NEMP2: variants seen among roughly 807,000 people sequenced by gnomAD.
The protein encoded by NEMP2 is nuclear envelope integral membrane protein 2.
NEMP2 carries 53 observed loss-of-function variants against 54.2 expected under a neutral mutation model. The ratio of observed to expected loss-of-function variants is 0.98; its 90% CI spans 0.78 to 1.23. The LOEUF is 1.23. Among genes scored for constraint, NEMP2 ranks in the 50% most tolerant of loss-of-function variants. The pLI, the probability that NEMP2 is intolerant of heterozygous loss-of-function variation, is 0.00. For synonymous variants in NEMP2, 197 were observed against 190.3 expected, an observed-to-expected ratio of 1.04 and a Z score of -0.29; for missense variants, 455 against 511.3, an observed-to-expected ratio of 0.89 and a Z score of 1.06.
the NEMP2 span, chr2:190,489,917 A>G: frequency 2.0e-5 from 29 of 1,445,908 alleles, 1 homozygote; most frequent in South Asian, 2.7e-4. This position sits in a 1 kb window ranked among gnomAD's most constrained non-coding sequence, Gnocchi z 6.6. Context: ...GGCCATGGGA[A>G]GTCAACAAAT....
intron 4 of NEMP2, among the ~76,000 whole-genome samples, chr2:190,517,834 T>C (rs900578312): frequency 5.3e-5 from 8 of 152,368 alleles, no homozygotes; most frequent in Non-Finnish European, 1.2e-4. Context: ...GAAGTATTTT[T>C]CATATTCAGG....
At chr2:190,494,314 AC>A in the NEMP2 span, among the ~76,000 whole-genome samples, 3 of 152,108 alleles carry the variant, frequency 2.0e-5, no homozygotes, top group Admixed American at 1.3e-4. This position sits in a 1 kb window ranked among gnomAD's most constrained non-coding sequence, Gnocchi z 5.7. Flanking sequence ...AGAATTAGAA[AC>A]CCTGAACAGA....
chr2:190,635,976 C>T, the NEMP2 span, among the ~76,000 whole-genome samples: 1 of 152,184 alleles, frequency 6.6e-6, no homozygotes, highest in Non-Finnish European at 1.5e-5. The surrounding 1 kb of genome is among the most constrained non-coding windows in gnomAD (Gnocchi z 4.1). Context: ...AGCAATCCTC[C>T]TACTTCAGCC....
chr2:190,437,141 T>A, the NEMP2 span: 1 of 1,614,252 alleles, frequency 6.2e-7, no homozygotes, highest in Non-Finnish European at 8.5e-7. The surrounding 1 kb of genome is among the most constrained non-coding windows in gnomAD (Gnocchi z 5.9). Flanking sequence ...TACCAGATCG[T>A]CTTCATCGTC....
the NEMP2 span, among the ~76,000 whole-genome samples, chr2:190,586,252 C>T: frequency 6.6e-6 from 1 of 152,170 alleles, no homozygotes; most frequent in Non-Finnish European, 1.5e-5. The surrounding 1 kb of genome is among the most constrained non-coding windows in gnomAD (Gnocchi z 4.5). Flanking sequence ...TAGATTCACT[C>T]ACCCAGCACA....
chr2:190,548,391 G>A, the NEMP2 span, among the ~76,000 whole-genome samples: 2 of 152,114 alleles, frequency 1.3e-5, no homozygotes, highest in African/African-American at 4.8e-5. Flanking sequence ...AGTAATGAGG[G>A]CTTCATAAAT....
chr2:190,642,633 C>A, the NEMP2 span, among the ~76,000 whole-genome samples: 1 of 151,964 alleles, frequency 6.6e-6, no homozygotes, highest in Admixed American at 6.6e-5. This position sits in a 1 kb window ranked among gnomAD's most constrained non-coding sequence, Gnocchi z 4.1. Context: ...AATTTCATAT[C>A]GCAAAATAAG....
At chr2:190,546,662 C>A in the NEMP2 span, among the ~76,000 whole-genome samples, 1 of 152,000 alleles carries the variant, frequency 6.6e-6, no homozygotes, top group African/African-American at 2.4e-5. This position sits in a 1 kb window ranked among gnomAD's most constrained non-coding sequence, Gnocchi z 5.1. Context: ...CTTCCCCTAC[C>A]CCCACCCCCA....
In NEMP2 at chr2:190,508,977, G is replaced by T; in HGVS notation, c.*212C>A. The T allele has an allele frequency of 3.3e-6, 2 of 601,404 alleles. No homozygotes were observed. Among genetic ancestry groups the T allele is most frequent in the Non-Finnish European group, 5.5e-6 (2 of 366,098 alleles). The allele number at this position is 601,404 out of a possible 1,614,324, so 37.3% of individuals were successfully genotyped here. On this transcript the variant is annotated 3_prime_UTR_variant, in exon 9 of 9. Coordinates refer to ENST00000409150, the MANE Select transcript of NEMP2 (RefSeq NM_001142645.2). This position sits in a 1 kb window ranked among gnomAD's most constrained non-coding sequence, Gnocchi z 4.3. ...TGGTAGTGGCTGTCACAGAATTTTG[G>T]TATCCACCTACAGTACAATAAGTAG...
chr2:190,566,093 C>T, the NEMP2 span, among the ~76,000 whole-genome samples: 5 of 150,298 alleles, frequency 3.3e-5, no homozygotes, highest in African/African-American at 1.2e-4. Flanking sequence ...ACTGAAGAGT[C>T]CCCACCAGCA....
At chr2:190,538,866 C>T (rs991397559), upstream of NEMP2, among the ~76,000 whole-genome samples, 7 of 152,104 alleles carry the variant, frequency 4.6e-5, no homozygotes, top group Non-Finnish European at 1.0e-4. This position sits in a 1 kb window ranked among gnomAD's most constrained non-coding sequence, Gnocchi z 4.1. Context: ...TTATTAATCT[C>T]GGTCAGACAA....
chr2:190,488,360 G>A, the NEMP2 span, among the ~76,000 whole-genome samples: 2 of 152,214 alleles, frequency 1.3e-5, no homozygotes, highest in Non-Finnish European at 2.9e-5. This position sits in a 1 kb window ranked among gnomAD's most constrained non-coding sequence, Gnocchi z 6.4. Flanking sequence ...TAGAATGGTG[G>A]TTGTCAGGGG....
the NEMP2 span, among the ~76,000 whole-genome samples, chr2:190,590,144 AG>A: frequency 6.6e-6 from 1 of 152,308 alleles, no homozygotes; most frequent in East Asian, 1.9e-4. This position sits in a 1 kb window ranked among gnomAD's most constrained non-coding sequence, Gnocchi z 5.1. Context: ...TTCTGCCAAA[AG>A]TTGCAACAAA....
chr2:190,436,568 C>G, the NEMP2 span: 1 of 1,614,198 alleles, frequency 6.2e-7, no homozygotes, highest in Non-Finnish European at 8.5e-7. This position sits in a 1 kb window ranked among gnomAD's most constrained non-coding sequence, Gnocchi z 5.3. Flanking sequence ...ACTATCCTGC[C>G]AACAAATTCT....
At chr2:190,455,727 C>T in the NEMP2 span, among the ~76,000 whole-genome samples, 3 of 150,096 alleles carry the variant, frequency 2.0e-5, no homozygotes, top group South Asian at 2.1e-4. Context: ...GGGCATCGTG[C>T]GGAGGTCTCA....
At chr2:190,436,774 CCT>C in the NEMP2 span, 5 of 1,614,172 alleles carry the variant, frequency 3.1e-6, no homozygotes, top group East Asian at 2.2e-5. The surrounding 1 kb of genome is among the most constrained non-coding windows in gnomAD (Gnocchi z 5.3). Flanking sequence ...CACAGCAACC[CCT>C]GTCTCCCCAG....
the NEMP2 span, among the ~76,000 whole-genome samples, chr2:190,589,937 G>A: frequency 2.0e-5 from 3 of 152,168 alleles, no homozygotes; most frequent in Admixed American, 6.6e-5. The surrounding 1 kb of genome is among the most constrained non-coding windows in gnomAD (Gnocchi z 4.3). Flanking sequence ...TGAAGCCTAT[G>A]ACAAGAATCC....
chr2:190,428,374 A>G, the NEMP2 span, among the ~76,000 whole-genome samples: 4 of 152,196 alleles, frequency 2.6e-5, no homozygotes, highest in African/African-American at 9.7e-5. Context: ...ATTAGTAGCT[A>G]TTCCCAGTTT....
chr2:190,642,047 T>C, the NEMP2 span, among the ~76,000 whole-genome samples: 27,977 of 152,190 alleles, frequency 0.18, 2,975 homozygotes, highest in East Asian at 0.36. This position sits in a 1 kb window ranked among gnomAD's most constrained non-coding sequence, Gnocchi z 4.1. Context: ...GCTCTTTCTA[T>C]AAGCAATGTG....
Sources: gnomAD v4.1 joint callset for allele counts (sites outside exome capture counted in the v4.1 genomes callset) on GRCh38, gnomAD v4.1.1 for gene constraint, Gnocchi (gnomAD v3.1) non-coding constraint, MANE v1.5 for transcripts, NCBI Gene and HGNC (gene_info 2026-07-23, HGNC 2026-07-21) for gene names.